KIAA1328: variants seen among roughly 807,000 people sequenced by gnomAD.
The protein encoded by KIAA1328 is KIAA1328, also known as protein hinderin.
Under a neutral mutation model 68.1 loss-of-function variants are expected in KIAA1328, and 52 were observed. The ratio of observed to expected loss-of-function variants is 0.76; its 90% CI spans 0.61 to 0.96. The LOEUF (loss-of-function observed/expected upper bound fraction) is 0.96, where lower values mean the gene tolerates loss of function less well. Ranked by LOEUF, KIAA1328 falls within the 40% of genes least tolerant of loss-of-function variation. The pLI is 0.00. For missense variants in KIAA1328, 641 were observed against 677.6 expected (o/e 0.95, Z 0.60); for synonymous variants, 232 against 239.4 (o/e 0.97, Z 0.28).
chr18:37,057,514 G>A (rs1382486010), intron 6 of KIAA1328, among the ~76,000 whole-genome samples: 1 of 149,862 alleles, frequency 6.7e-6, no homozygotes, highest in African/African-American at 2.5e-5. Context: ...TGCAAGCTCC[G>A]CCTCCCGAGT....
At chr18:36,886,288 A>G (rs904000624) in intron 5 of KIAA1328, 1 of 152,202 alleles carries the variant, frequency 6.6e-6, no homozygotes, top group Non-Finnish European at 1.5e-5. Flanking sequence ...ATTCTGTTGC[A>G]CTGCTGTAAT....
At chr18:37,066,691 C>T (rs758569369) in intron 6 of KIAA1328, among the ~76,000 whole-genome samples, 199 bp from the exon 7 acceptor site, 2 of 152,154 alleles carry the variant, frequency 1.3e-5, no homozygotes, top group Non-Finnish European at 2.9e-5. Flanking sequence ...TATAGATTTA[C>T]TGAAGGGTAG....
intron 9 of KIAA1328, among the ~76,000 whole-genome samples, chr18:37,206,879 GT>G (rs1335229094): frequency 6.6e-6 from 1 of 152,044 alleles, no homozygotes; most frequent in Non-Finnish European, 1.5e-5. Context: ...TTGCTTAAAG[GT>G]TTTTTCAAAC....
chr18:36,977,925 A>G (rs1295495267), intron 6 of KIAA1328, among the ~76,000 whole-genome samples: 1 of 152,052 alleles, frequency 6.6e-6, no homozygotes, highest in East Asian at 1.9e-4. Flanking sequence ...CTGGAATTAC[A>G]GGTGTGTGCC....
At chr18:36,982,167 T>A (rs201674446) in intron 6 of KIAA1328, among the ~76,000 whole-genome samples, 1 of 119,572 alleles carries the variant, frequency 8.4e-6, no homozygotes, top group Admixed American at 8.9e-5. Flanking sequence ...TATATATATA[T>A]AATATATATA....
intron 6 of KIAA1328, among the ~76,000 whole-genome samples, chr18:36,978,295 G>T (rs2052551211): frequency 6.6e-6 from 1 of 152,132 alleles, no homozygotes; most frequent in Non-Finnish European, 1.5e-5. Context: ...TGGTCACATA[G>T]GCACCCTCTA....
At chr18:37,026,567 A>T (rs547275541) in intron 6 of KIAA1328, among the ~76,000 whole-genome samples, 41 of 152,352 alleles carry the variant, frequency 2.7e-4, no homozygotes, top group African/African-American at 9.6e-4. Context: ...GACTGGTTCA[A>T]CATATGCAAA....
intron 6 of KIAA1328, among the ~76,000 whole-genome samples, chr18:36,985,174 C>T (rs886354179): frequency 6.6e-6 from 1 of 151,890 alleles, no homozygotes; most frequent in Non-Finnish European, 1.5e-5. Flanking sequence ...GACATGGTGG[C>T]CTTTGGTCCT....
chr18:36,835,726 T>C (rs1406507094), intron 3 of KIAA1328, among the ~76,000 whole-genome samples: 14 of 152,260 alleles, frequency 9.2e-5, no homozygotes, highest in Non-Finnish European at 1.5e-4. Context: ...CTTGTGAATT[T>C]ATTTGATAGA....
chr18:36,858,995 AT>A (rs1301256335), intron 4 of KIAA1328, among the ~76,000 whole-genome samples: 2 of 151,904 alleles, frequency 1.3e-5, no homozygotes, highest in African/African-American at 4.8e-5. Flanking sequence ...TAAGTTTTTC[AT>A]TTTTTCCCCT....
At chr18:37,215,452 A>T (rs1398150588) in intron 9 of KIAA1328, among the ~76,000 whole-genome samples, 1 of 152,176 alleles carries the variant, frequency 6.6e-6, no homozygotes, top group Non-Finnish European at 1.5e-5. Flanking sequence ...GATTACATTT[A>T]TTGATTTGCG....
chr18:37,033,750 T>C (rs550706005), intron 6 of KIAA1328, among the ~76,000 whole-genome samples: 1 of 152,356 alleles, frequency 6.6e-6, no homozygotes, highest in Middle Eastern at 3.4e-3. Context: ...ATGCCATTTC[T>C]GGCCACCTCA....
intron 6 of KIAA1328, among the ~76,000 whole-genome samples, chr18:37,002,537 G>A (rs2053629471): frequency 6.6e-6 from 1 of 151,524 alleles, no homozygotes; most frequent in Non-Finnish European, 1.5e-5. Context: ...TAATGATCTA[G>A]TATACTAGTA....
intron 7 of KIAA1328, among the ~76,000 whole-genome samples, chr18:37,114,065 C>T (rs2058028024): frequency 6.6e-6 from 1 of 152,138 alleles, no homozygotes; most frequent in Admixed American, 6.5e-5. Flanking sequence ...TAATGGGAGA[C>T]TTTAACAACC....
chr18:37,148,978 A>G lies in KIAA1328; in HGVS notation c.1233-11222A>G, dbSNP rs139546090. 6.8e-3 allele frequency among the ~76,000 whole-genome samples: 1,038 copies of G among 152,242 alleles called. 14 individuals carry two copies. Among genetic ancestry groups the G allele is most frequent in the Non-Finnish European group, 8.4e-3 (568 of 67,978 alleles). On this transcript the variant is annotated intron_variant, in intron 7 of 9. Transcript: ENST00000280020. ...GCAGAAGCTCTGATAGAAAGAATCA[A>G]TATTGTGAAAATGGTCATACTACCC... is the stretch of plus-strand genomic sequence containing the variant.
intron 9 of KIAA1328, among the ~76,000 whole-genome samples, chr18:37,179,773 G>C (rs2059663474): frequency 6.6e-6 from 1 of 152,062 alleles, no homozygotes; most frequent in Non-Finnish European, 1.5e-5. Context: ...TCCAGCTCCA[G>C]ATATGATGGC....
intron 1 of KIAA1328, among the ~76,000 whole-genome samples, chr18:36,830,580 T>TGG (rs563682648): frequency 1.5e-4 from 22 of 151,114 alleles, no homozygotes; most frequent in African/African-American, 5.1e-4. Flanking sequence ...ATCAATGGTT[T>TGG]GGGGGGGGGA....
At chr18:36,913,270 G>C (rs2049528783) in intron 5 of KIAA1328, among the ~76,000 whole-genome samples, 1 of 151,720 alleles carries the variant, frequency 6.6e-6, no homozygotes, top group Non-Finnish European at 1.5e-5. Context: ...TGTAATCCCA[G>C]TGCTTTGAGA....
intron 5 of KIAA1328, among the ~76,000 whole-genome samples, chr18:36,909,285 C>CCCCCA (rs1326381328): frequency 6.7e-6 from 1 of 150,030 alleles, no homozygotes; most frequent in Non-Finnish European, 1.5e-5. Context: ...CTCCCGCCTC[C>CCCCCA]CCCCACCCCA....
Sources: gnomAD v4.1 joint callset for allele counts (sites outside exome capture counted in the v4.1 genomes callset) on GRCh38, gnomAD v4.1.1 for gene constraint, MANE v1.5 for transcripts, NCBI Gene and HGNC (gene_info 2026-07-23, HGNC 2026-07-21) for gene names.